Variants in NPTX2 observed in about 807,000 individuals in gnomAD.
NPTX2 encodes the protein neuronal pentraxin-2.
A neutral mutation model predicts 38.1 loss-of-function variants in NPTX2; 23 were observed. The ratio of observed to expected loss-of-function variants is 0.60; its 90% CI spans 0.43 to 0.85. NPTX2 has a LOEUF of 0.85. Ranked by LOEUF, NPTX2 falls within the 40% of genes least tolerant of loss-of-function variation. The probability of loss-of-function intolerance (pLI) is 0.00; values close to 1 mark genes in which losing one functional copy is unlikely to be tolerated. For synonymous variants in NPTX2, 291 were observed against 287.3 expected (o/e 1.01, Z -0.13); for missense variants, 553 against 615.3 (o/e 0.90, Z 1.07).
chr7:98,622,433 G>T (rs997323541), intron 2 of NPTX2, among the ~76,000 whole-genome samples: 1 of 152,172 alleles, frequency 6.6e-6, no homozygotes, highest in African/African-American at 2.4e-5. Flanking sequence ...AAGTATAGCA[G>T]CCATTTCTCT....
chr7:98,621,419 C>T (rs1458786030), intron 2 of NPTX2, among the ~76,000 whole-genome samples: 1 of 152,174 alleles, frequency 6.6e-6, no homozygotes, highest in Non-Finnish European at 1.5e-5. Flanking sequence ...TTCATCCCAC[C>T]GTGGGAACTC....
intron 3 of NPTX2, 117 bp from the exon 4 acceptor site, chr7:98,627,048 T>C: frequency 1.5e-6 from 1 of 660,428 alleles, no homozygotes; most frequent in Non-Finnish European, 2.6e-6. Flanking sequence ...ATGACCCCGG[T>C]GACAGGAGGA....
Position 98,628,631 on chromosome 7 carries a change from C to G in NPTX2, c.*2C>G, listed in dbSNP as rs1054753375. The G allele has an allele frequency of 6.2e-6, 9 of 1,455,488 alleles. No individual in the cohort carries two copies. Among genetic ancestry groups the G allele is most frequent in the African/African-American group, 4.2e-5 (3 of 71,832 alleles). The allele number at this position is 1,455,488 out of a possible 1,614,324, so 90.2% of individuals were successfully genotyped here. A position where few individuals can be genotyped will look rare whatever the true frequency, so the allele number is the denominator to read the frequency against. On this transcript the variant is annotated 3_prime_UTR_variant, in exon 5 of 5. Coordinates refer to ENST00000265634, the MANE Select transcript of NPTX2 (RefSeq NM_002523.3). ...GAGGAGCGTCTCCTTGACTTGTAGC[C>G]GCCTTCTCCTCTGTCCAGGAGGCCG...
At chr7:98,622,460 C>G (rs1392855438) in intron 2 of NPTX2, among the ~76,000 whole-genome samples, 3 of 152,200 alleles carry the variant, frequency 2.0e-5, no homozygotes, top group Admixed American at 1.3e-4. Flanking sequence ...GACAATGATG[C>G]CTTCATTAAG....
At position 98,617,571 on chromosome 7, in the gene NPTX2, TGC is replaced by T; in HGVS notation, c.111_112del (p.His38ArgfsTer152). ...TGCACGGCACTGCCCCCAGAGGCGG[TGC>T]ACGCCGGCTGCCCGCTGCCCGCGAT... On this transcript the variant is annotated frameshift_variant, in exon 1 of 5. Transcript: ENST00000265634. LOFTEE classifies it high-confidence loss of function. The T allele has an allele frequency of 6.8e-7, 1 of 1,480,980 alleles. No individual in the cohort carries two copies. The highest frequency in any genetic ancestry group is 2.9e-5 in the East Asian group (1 of 34,234). The allele number at this position is 1,480,980 out of a possible 1,614,324, so 91.7% of individuals were successfully genotyped here. A position where few individuals can be genotyped will look rare whatever the true frequency, so the allele number is the denominator to read the frequency against.
chr7:98,617,484 G>C lies in NPTX2; in HGVS notation c.23G>C (p.Ser8Thr). ...GGGATGCTGGCGCTGCTGGCCGCCA[G>C]CGTGGCGCTCGCCGTGGCCGCTGGG... The part of the protein sequence containing the change: MLALLAA[S>T]VALAVAAGAQ... Residue 8 changes from serine (S) to threonine (T), a missense_variant, in exon 1 of 5, where the codon AGC (serine) becomes ACC (threonine). Ser to Thr is a moderately conservative substitution (Grantham distance 58, BLOSUM62 1). Coordinates refer to ENST00000265634, the MANE Select transcript of NPTX2 (RefSeq NM_002523.3). 2 of 1,228,706 alleles carry C rather than the reference G, an allele frequency of 1.6e-6. No individual in the cohort carries two copies. The highest frequency in any genetic ancestry group is 2.0e-6 in the Non-Finnish European group (2 of 979,420). The allele number at this position is 1,228,706 out of a possible 1,614,324, so 76.1% of individuals were successfully genotyped here.
rs1181746125 is a variant in NPTX2 at position 98,628,612 on chromosome 7, C to T, written c.1279C>T (p.Arg427Cys). The change falls in exon 5 of 5, where the codon CGT becomes TGT. Residue 427 changes from arginine (R) to cysteine (C), a missense_variant. Arg to Cys is a radical substitution (Grantham distance 180). Coordinates refer to ENST00000265634, the MANE Select transcript of NPTX2 (RefSeq NM_002523.3). ...SKWPVETCEE[R>C]LLDL ...GTGGCCCGTGGAGACGTGTGAGGAG[C>T]GTCTCCTTGACTTGTAGCCGCCTTC... is the stretch of plus-strand genomic sequence containing the variant. The T allele has an allele frequency of 4.1e-5, 64 of 1,551,740 alleles. No individual in the cohort carries two copies. Among genetic ancestry groups the T allele is most frequent in the Non-Finnish European group, 5.6e-5 (64 of 1,139,202 alleles).
chr7:98,617,913 G>A (rs1185024203), intron 1 of NPTX2, 26 bp downstream of exon 1: 1 of 1,538,810 alleles, frequency 6.5e-7, no homozygotes, highest in Non-Finnish European at 8.7e-7. Context: ...GAGCGCGGGG[G>A]ACCTGGAATG....
chr7:98,629,215 A>T lies in NPTX2; in HGVS notation c.*586A>T, dbSNP rs1791403395. 1 of 152,414 alleles carries T rather than the reference A, an allele frequency of 6.6e-6. No individual in the cohort carries two copies. The highest frequency in any genetic ancestry group is 6.5e-5 in the Admixed American group (1 of 15,276). 9.4% of individuals were successfully genotyped at this position (152,414 alleles called of 1,614,324 possible). A position where few individuals can be genotyped will look rare whatever the true frequency, so the allele number is the denominator to read the frequency against. Reference sequence around the variant, plus strand: ...CCCAGACAAAGCCCCGCCTTCCCCAAAGCAGAGGGGCTGTCTGTGTCTCCA... The same window carrying T: ...CCCAGACAAAGCCCCGCCTTCCCCATAGCAGAGGGGCTGTCTGTGTCTCCA... On this transcript the variant is annotated 3_prime_UTR_variant, in exon 5 of 5. Transcript: ENST00000265634.
At chr7:98,626,996 C>A (rs571809572) in intron 3 of NPTX2, among the ~76,000 whole-genome samples, 169 bp from the exon 4 acceptor site, 1 of 152,104 alleles carries the variant, frequency 6.6e-6, no homozygotes, top group African/African-American at 2.4e-5. Context: ...GCTCTGGGGT[C>A]AGGGTTTCCA....
intron 4 of NPTX2, 91 bp downstream of exon 4, chr7:98,627,435 G>A: frequency 9.2e-7 from 1 of 1,087,218 alleles, no homozygotes. Flanking sequence ...TGCGAGGAGG[G>A]GCCAACTGAG....
chr7:98,625,191 C>T, intron 3 of NPTX2, 25 bp downstream of exon 3: 1 of 1,557,742 alleles, frequency 6.4e-7, no homozygotes, highest in Non-Finnish European at 8.7e-7. Flanking sequence ...CACCGCCACC[C>T]TCCCCAGAAC....
At chr7:98,617,955 G>A in intron 1 of NPTX2, 68 bp downstream of exon 1, 1 of 1,476,560 alleles carries the variant, frequency 6.8e-7, no homozygotes, top group Non-Finnish European at 9.0e-7. Context: ...CGGAAGACTC[G>A]GGAGGATGGG....
intron 3 of NPTX2, among the ~76,000 whole-genome samples, chr7:98,626,412 G>A (rs1791351556): frequency 1.3e-5 from 2 of 152,006 alleles, no homozygotes; most frequent in Admixed American, 1.3e-4. Flanking sequence ...AAAAAACGCT[G>A]TGGCATCAGC....
At chr7:98,622,579 G>A (rs576255515) in intron 2 of NPTX2, among the ~76,000 whole-genome samples, 4 of 152,298 alleles carry the variant, frequency 2.6e-5, no homozygotes, top group Admixed American at 6.5e-5. Flanking sequence ...CCTTGGATAC[G>A]TCACCTCACT....
At chr7:98,621,488 T>C (rs907803704) in intron 2 of NPTX2, among the ~76,000 whole-genome samples, 1 of 152,196 alleles carries the variant, frequency 6.6e-6, no homozygotes, top group Admixed American at 6.5e-5. Flanking sequence ...AGGAAAGTGA[T>C]CATTTGCAGA....
At chr7:98,617,923 G>T (rs528179463) in intron 1 of NPTX2, 36 bp downstream of exon 1, 5 of 1,532,550 alleles carry the variant, frequency 3.3e-6, no homozygotes, top group Middle Eastern at 4.1e-4. Context: ...GACCTGGAAT[G>T]GGGACGCTCC....
In NPTX2 at chr7:98,628,972, C is replaced by T. The variant is rs138630221; in HGVS notation, c.*343C>T. 1.3e-4 allele frequency: 29 copies of T among 216,858 alleles called. No homozygotes were observed. Among genetic ancestry groups the T allele is most frequent in the African/African-American group, 5.4e-4 (24 of 44,486 alleles). 13.4% of individuals were successfully genotyped at this position (216,858 alleles called of 1,614,324 possible). A position where few individuals can be genotyped will look rare whatever the true frequency, so the allele number is the denominator to read the frequency against. ...AATGCTATCGCAGCCTGAGTCCTGC[C>T]GCCTTCCAGTTCCTTGGTGTCCCGT... is the stretch of plus-strand genomic sequence containing the variant. On this transcript the variant is annotated 3_prime_UTR_variant, in exon 5 of 5. Transcript: ENST00000265634.
chr7:98,620,420 T>TG (rs1285364846), intron 2 of NPTX2, among the ~76,000 whole-genome samples: 1 of 152,048 alleles, frequency 6.6e-6, no homozygotes, highest in African/African-American at 2.4e-5. Context: ...TTGGCCGAGG[T>TG]GGGGCAGATG....
Sources: gnomAD v4.1 joint callset for allele counts (sites outside exome capture counted in the v4.1 genomes callset) on GRCh38, gnomAD v4.1.1 for gene constraint, MANE v1.5 for transcripts, NCBI Gene and HGNC (gene_info 2026-07-23, HGNC 2026-07-21) for gene names.